Variants in PCDHGA2 observed in about 807,000 individuals in gnomAD.
PCDHGA2 encodes protocadherin gamma subfamily A, 2.
A neutral mutation model predicts 59.2 loss-of-function variants in PCDHGA2; 40 were observed. The ratio of observed to expected loss-of-function variants is 0.68; its 90% confidence interval spans 0.52 to 0.88. The LOEUF (loss-of-function observed/expected upper bound fraction) is 0.88. PCDHGA2 is among the 40% of genes least tolerant of loss of function. The pLI, the probability that PCDHGA2 is intolerant of heterozygous loss-of-function variation, is 0.00. For missense variants in PCDHGA2, 1,226 were observed against 1,204.0 expected, an observed-to-expected ratio of 1.02 and a Z score of -0.27; for synonymous variants, 560 against 526.0, an observed-to-expected ratio of 1.06 and a Z score of -0.89.
chr5:141,345,462 C>CAGGACCCAGATAGCAACA, intron 1 of PCDHGA2: 1 of 1,614,144 alleles, frequency 6.2e-7, no homozygotes, highest in Non-Finnish European at 8.5e-7. Context: ...AGTGACAGCC[C>CAGGACCCAGATAGCAACA]AGGACCCAGA....
intron 1 of PCDHGA2, chr5:141,373,829 A>T: frequency 2.5e-6 from 1 of 403,392 alleles, no homozygotes; most frequent in Non-Finnish European, 4.4e-6. Flanking sequence ...ACGATGCAGT[A>T]TTAAGTTAGG....
intron 1 of PCDHGA2, among the ~76,000 whole-genome samples, chr5:141,429,812 A>G (rs2097246172): frequency 6.6e-6 from 1 of 152,226 alleles, no homozygotes; most frequent in South Asian, 2.1e-4. Context: ...AGTAATTACA[A>G]TTAGGTCAGT....
chr5:141,408,158 T>G lies in PCDHGA2; in HGVS notation c.2424+66763T>G, dbSNP rs1190245850. On this transcript the variant is annotated intron_variant, in intron 1 of 3. Coordinates refer to ENST00000394576, the MANE Select transcript of PCDHGA2 (RefSeq NM_018915.4). ...TCTTTTAGCGCGGTAGAGTGCACTTTCTCCAACTGGAAAAGCGGGGACCCA... is the reference window on the plus strand; with the variant it reads ...TCTTTTAGCGCGGTAGAGTGCACTTGCTCCAACTGGAAAAGCGGGGACCCA... The G allele has an allele frequency of 2.0e-6, 3 of 1,515,140 alleles. No individual in the cohort carries two copies. In the Admixed American group the frequency reaches 6.4e-5, roughly 32 times the overall value. The allele number at this position is 1,515,140 out of a possible 1,614,324, so 93.9% of individuals were successfully genotyped here.
At chr5:141,372,937 G>C (rs894509866) in intron 1 of PCDHGA2, 5 of 831,174 alleles carry the variant, frequency 6.0e-6, no homozygotes, top group Non-Finnish European at 9.0e-6. Context: ...GTGTAGAGTA[G>C]GGTGTCTAGG....
At chr5:141,406,255 A>G (rs1456869005) in intron 1 of PCDHGA2, among the ~76,000 whole-genome samples, 1 of 151,948 alleles carries the variant, frequency 6.6e-6, no homozygotes, top group Admixed American at 6.5e-5. Context: ...ACTGGTCTCA[A>G]ACGATCTTCC....
At chr5:141,405,596 A>T (rs1024672340) in intron 1 of PCDHGA2, 2 of 578,622 alleles carry the variant, frequency 3.5e-6, no homozygotes, top group Admixed American at 6.3e-5. Flanking sequence ...AGGCCTCCCA[A>T]GTAGAATAAC....
rs2097423534 is a variant in PCDHGA2 at position 141,431,850 on chromosome 5, C to A, written c.2425-62957C>A. 6.2e-7 allele frequency: 1 copy of A among 1,614,234 alleles called. No individual in the cohort carries two copies. ...GTTCCCGAAAACTCTCCCAGAGGGA[C>A]ATTAATTGCCCTTTTAAATGTAAAT... On this transcript the variant is annotated intron_variant, in intron 1 of 3. Coordinates refer to ENST00000394576, the MANE Select transcript of PCDHGA2 (RefSeq NM_018915.4). This position sits in a 1 kb window ranked among gnomAD's most constrained non-coding sequence, Gnocchi z 4.8.
At chr5:141,496,698 C>T (rs2099770595) in intron 2 of PCDHGA2, among the ~76,000 whole-genome samples, 1 of 152,196 alleles carries the variant, frequency 6.6e-6, no homozygotes, top group Non-Finnish European at 1.5e-5. Context: ...CCAACCTTCT[C>T]ATAAGTTATC....
chr5:141,465,520 G>C (rs2099104807), intron 1 of PCDHGA2, among the ~76,000 whole-genome samples: 1 of 152,144 alleles, frequency 6.6e-6, no homozygotes, highest in Non-Finnish European at 1.5e-5. Flanking sequence ...GAAGGATTCT[G>C]GGGAAGTTTT....
intron 1 of PCDHGA2, chr5:141,433,169 C>T: frequency 6.2e-7 from 1 of 1,613,000 alleles, no homozygotes; most frequent in Non-Finnish European, 8.5e-7. Context: ...TAAAGACAGT[C>T]ATGGGTTAAT....
At chr5:141,359,151 T>G (rs1761131965) in intron 1 of PCDHGA2, among the ~76,000 whole-genome samples, 1 of 152,200 alleles carries the variant, frequency 6.6e-6, no homozygotes, top group East Asian at 1.9e-4. Flanking sequence ...GAATATGATA[T>G]GATGCAGTTA....
At chr5:141,372,316 G>A (rs1188130035) in intron 1 of PCDHGA2, 6 of 1,613,520 alleles carry the variant, frequency 3.7e-6, no homozygotes, top group Non-Finnish European at 5.1e-6. Flanking sequence ...GCCCGCCAGC[G>A]CCTGCTGGTC....
Position 141,490,271 on chromosome 5 carries a change from A to G in PCDHGA2, c.2425-4536A>G, listed in dbSNP as rs750463186. 6.8e-6 allele frequency: 11 copies of G among 1,614,246 alleles called. No homozygotes were observed. Among genetic ancestry groups the G allele is most frequent in the Non-Finnish European group, 8.5e-6 (10 of 1,180,054 alleles). On this transcript the variant is annotated intron_variant, in intron 1 of 3. Coordinates refer to ENST00000394576, the MANE Select transcript of PCDHGA2 (RefSeq NM_018915.4). The surrounding 1 kb of genome is among the most constrained non-coding windows in gnomAD (Gnocchi z 5.4). The stretch of plus-strand genomic sequence containing the variant: ...ATTCAAGTGGATGTGGGGGATGTCA[A>G]TGACAATGCCCCAGAGGTGCTATTG...
intron 1 of PCDHGA2, among the ~76,000 whole-genome samples, chr5:141,354,123 G>C (rs1759471548): frequency 6.6e-6 from 1 of 152,204 alleles, no homozygotes; most frequent in Non-Finnish European, 1.5e-5. Flanking sequence ...AGTAAAGTTA[G>C]AAATTGTAAA....
chr5:141,461,347 G>C (rs2154567331), intron 1 of PCDHGA2, among the ~76,000 whole-genome samples: 1 of 152,242 alleles, frequency 6.6e-6, no homozygotes, highest in Admixed American at 6.5e-5. Flanking sequence ...GGACCAAGGT[G>C]GTAGCTCGTT....
At chr5:141,389,537 C>T in intron 1 of PCDHGA2, 2 of 1,613,216 alleles carry the variant, frequency 1.2e-6, no homozygotes, top group Non-Finnish European at 8.5e-7. Context: ...TGTTAGTGGA[C>T]GACCGCAACG....
rs1258238617 is a variant in PCDHGA2, at chr5:141,409,461, T to A, written c.2424+68066T>A. On this transcript the variant is annotated intron_variant, in intron 1 of 3. Coordinates refer to ENST00000394576, the MANE Select transcript of PCDHGA2 (RefSeq NM_018915.4). ...CGAGAGCAGACACCAGAATACAATG[T>A]CACCATCGTAGCCACTGACAGGGGC... The A allele has an allele frequency of 5.0e-6, 8 of 1,613,928 alleles. No homozygotes were observed. In the Admixed American group the frequency reaches 1.3e-4, roughly 27 times the overall value.
intron 1 of PCDHGA2, chr5:141,415,056 G>A (rs1367441891): frequency 1.2e-6 from 2 of 1,613,416 alleles, no homozygotes; most frequent in East Asian, 2.2e-5. Context: ...GGGAGCACAC[G>A]GGCGAGGTGC....
chr5:141,421,748 G>C, intron 1 of PCDHGA2: 1 of 1,613,944 alleles, frequency 6.2e-7, no homozygotes, highest in Non-Finnish European at 8.5e-7. Flanking sequence ...TACCAGCTCA[G>C]CCCTAATAAT....
Sources: allele counts gnomAD v4.1 joint callset (sites outside exome capture counted in the v4.1 genomes callset), GRCh38; gene constraint gnomAD v4.1.1; non-coding constraint Gnocchi (gnomAD v3.1); transcripts MANE v1.5; gene names NCBI Gene and HGNC (gene_info 2026-07-23, HGNC 2026-07-21).